NBAS: variants seen among roughly 807,000 people sequenced by gnomAD.
NBAS encodes NAG/BC035112 fusion.
Under a neutral mutation model 302.5 loss-of-function variants are expected in NBAS, and 219 were observed. That is an observed-to-expected ratio of 0.72 (90% CI 0.65 to 0.81). The LOEUF (loss-of-function observed/expected upper bound fraction) is 0.81. Ranked by LOEUF, NBAS falls within the 30% of genes least tolerant of loss-of-function variation. NBAS has a pLI of 0.00. For synonymous variants in NBAS, 1,118 were observed against 1,021.6 expected (o/e 1.09, Z -1.80); for missense variants, 2,932 against 2,841.6 (o/e 1.03, Z -0.72).
the NBAS span, among the ~76,000 whole-genome samples, chr2:14,878,190 A>G: frequency 6.6e-6 from 1 of 152,218 alleles, no homozygotes; most frequent in South Asian, 2.1e-4. Flanking sequence ...CCTGGCACCA[A>G]CTGGCAAACA....
At chr2:15,551,345 A>C in intron 6 of NBAS, 148 bp downstream of exon 6, 1 of 544,704 alleles carries the variant, frequency 1.8e-6, no homozygotes, top group Non-Finnish European at 3.2e-6. Context: ...GACAGTAAAA[A>C]AAAAAAAAAG....
At chr2:15,034,027 G>GAAGAAGAAGAAGAAGAAGAAGAAGAAGA in the NBAS span, among the ~76,000 whole-genome samples, 116 of 63,784 alleles carry the variant, frequency 1.8e-3, 2 homozygotes, top group East Asian at 4.8e-3. Flanking sequence ...AGAAGAAGAA[G>GAAGAAGAAGAAGAAGAAGAAGAAGAAGA]AGGAGGAGGA....
chr2:15,351,599 A>G (rs1049703929), intron 35 of NBAS, among the ~76,000 whole-genome samples: 2 of 151,832 alleles, frequency 1.3e-5, no homozygotes, highest in African/African-American at 2.4e-5. Flanking sequence ...AATTGCTTGA[A>G]CCTGGGAGGT....
chr2:15,063,860 A>G, the NBAS span, among the ~76,000 whole-genome samples: 10 of 152,274 alleles, frequency 6.6e-5, no homozygotes, highest in East Asian at 1.7e-3. Flanking sequence ...GAGAAAATAA[A>G]CTTTTGTTGC....
the NBAS span, among the ~76,000 whole-genome samples, chr2:14,971,502 G>T: frequency 3.3e-5 from 5 of 152,092 alleles, no homozygotes; most frequent in South Asian, 1.0e-3. Flanking sequence ...GCGACAGAGC[G>T]AGACTCTGTC....
chr2:15,389,661 A>G (rs1385903266), intron 28 of NBAS, among the ~76,000 whole-genome samples: 1 of 152,238 alleles, frequency 6.6e-6, no homozygotes, highest in Non-Finnish European at 1.5e-5. Context: ...GCAAAAGGAA[A>G]TGAATTAAAT....
the NBAS span, among the ~76,000 whole-genome samples, chr2:14,985,724 A>T: frequency 6.6e-6 from 1 of 152,176 alleles, no homozygotes; most frequent in Non-Finnish European, 1.5e-5. Flanking sequence ...CCTAATAAAG[A>T]TATTCACTGA....
the NBAS span, among the ~76,000 whole-genome samples, chr2:15,008,096 C>T: frequency 6.6e-6 from 1 of 152,152 alleles, no homozygotes; most frequent in African/African-American, 2.4e-5. Context: ...CAACAACTTC[C>T]AACAGTTATG....
chr2:14,835,697 A>G, the NBAS span, among the ~76,000 whole-genome samples: 35 of 151,810 alleles, frequency 2.3e-4, no homozygotes, highest in East Asian at 3.9e-3. Context: ...GTTTTTCACT[A>G]GAATATAGTA....
intron 28 of NBAS, among the ~76,000 whole-genome samples, chr2:15,389,312 T>C (rs919118910): frequency 6.6e-6 from 1 of 152,224 alleles, no homozygotes; most frequent in Non-Finnish European, 1.5e-5. Flanking sequence ...CTCCTACTGA[T>C]GTGAGGCTAG....
At chr2:15,548,545 A>G (rs1465795511) in intron 6 of NBAS, among the ~76,000 whole-genome samples, 1 of 152,174 alleles carries the variant, frequency 6.6e-6, no homozygotes, top group Admixed American at 6.5e-5. Context: ...CAGGAGGCTG[A>G]GGCAGGAGAA....
At chr2:14,906,286 A>G in the NBAS span, among the ~76,000 whole-genome samples, 5 of 152,212 alleles carry the variant, frequency 3.3e-5, no homozygotes, top group Non-Finnish European at 7.3e-5. Context: ...AACTCTAAAC[A>G]GTAGGTGCTT....
At chr2:14,877,321 C>A in the NBAS span, among the ~76,000 whole-genome samples, 18 of 152,264 alleles carry the variant, frequency 1.2e-4, no homozygotes, top group East Asian at 3.5e-3. Flanking sequence ...TTACATTCCA[C>A]CCCCCTTGAT....
chr2:15,295,971 T>C (rs1207063160), intron 40 of NBAS, among the ~76,000 whole-genome samples: 2 of 152,100 alleles, frequency 1.3e-5, no homozygotes, highest in African/African-American at 2.4e-5. Flanking sequence ...CCTTTCTCCA[T>C]TATTCTATGA....
chr2:15,239,291 G>C (rs560932706), intron 44 of NBAS, among the ~76,000 whole-genome samples: 14 of 151,758 alleles, frequency 9.2e-5, no homozygotes, highest in African/African-American at 3.4e-4. Context: ...AACTATATCT[G>C]CATATACAAT....
At chr2:15,265,178 T>C (rs1669023112) in intron 44 of NBAS, among the ~76,000 whole-genome samples, 1 of 152,234 alleles carries the variant, frequency 6.6e-6, no homozygotes, top group Non-Finnish European at 1.5e-5. Flanking sequence ...TGTGCCTACA[T>C]GGCTATATCA....
chr2:15,278,668 T>C (rs752294034), intron 42 of NBAS, among the ~76,000 whole-genome samples: 10 of 152,220 alleles, frequency 6.6e-5, no homozygotes, highest in African/African-American at 9.6e-5. Flanking sequence ...ACTTACAGCA[T>C]AGAGCTCCCA....
chr2:15,290,431 T>C (rs547503889), intron 41 of NBAS, among the ~76,000 whole-genome samples: 3 of 152,314 alleles, frequency 2.0e-5, no homozygotes, highest in African/African-American at 7.2e-5. Context: ...ATACTTCAAA[T>C]AGCATATGCT....
chr2:14,876,892 C>A, the NBAS span, among the ~76,000 whole-genome samples: 6 of 152,318 alleles, frequency 3.9e-5, no homozygotes, highest in South Asian at 6.2e-4. Context: ...ACCACTTGGT[C>A]ACATGTATTT....
Sources: gnomAD v4.1 joint callset for allele counts (sites outside exome capture counted in the v4.1 genomes callset) on GRCh38, gnomAD v4.1.1 for gene constraint, MANE v1.5 for transcripts, NCBI Gene and HGNC (gene_info 2026-07-23, HGNC 2026-07-21) for gene names.